RABGAP1L: variants seen among roughly 807,000 people sequenced by gnomAD.
The protein encoded by RABGAP1L is rab GTPase-activating protein 1-like.
Under a neutral mutation model 137.7 loss-of-function variants are expected in RABGAP1L, and 63 were observed. The ratio of observed to expected loss-of-function variants is 0.46; its 90% CI spans 0.37 to 0.56. The LOEUF is 0.56. Among genes scored for constraint, RABGAP1L ranks in the 20% least tolerant of loss-of-function variants. The pLI is 0.00. For synonymous variants in RABGAP1L, 431 were observed against 433.7 expected, an observed-to-expected ratio of 0.99 and a Z score of 0.08; for missense variants, 1,095 against 1,244.0, an observed-to-expected ratio of 0.88 and a Z score of 1.80.
rs1680618158 is a variant in RABGAP1L, at chr1:174,327,980, C to CGTATATATATATATATAT, written c.1465+22853_1465+22854insGTATATATATATATATAT. 8.5e-5 allele frequency among the ~76,000 whole-genome samples: 9 copies of CGTATATATATATATATAT among 105,914 alleles called. 1 individual carries two copies. The highest frequency in any genetic ancestry group is 3.7e-4 in the African/African-American group (9 of 24,280). 69.5% of individuals were successfully genotyped at this position (105,914 alleles called of 152,430 possible). On this transcript the variant is annotated intron_variant, in intron 11 of 25. Transcript: ENST00000681986. ...AAATATATATATATATATATATATA[C>CGTATATATATATATATAT]ACACACATATATATATATATATATA... is the stretch of plus-strand genomic sequence containing the variant.
At chr1:174,340,894 G>T (rs749955762) in intron 11 of RABGAP1L, among the ~76,000 whole-genome samples, 1 of 152,134 alleles carries the variant, frequency 6.6e-6, no homozygotes, top group Non-Finnish European at 1.5e-5. Context: ...GTGTAAAAGC[G>T]TCTCTTTTCC....
intron 13 of RABGAP1L, among the ~76,000 whole-genome samples, chr1:174,633,369 C>G (rs1001281715): frequency 1.4e-5 from 2 of 147,996 alleles, no homozygotes; most frequent in African/African-American, 2.5e-5. Context: ...AACCACTGCT[C>G]AAGGAAATAA....
At chr1:174,434,140 C>T (rs935687613) in intron 13 of RABGAP1L, among the ~76,000 whole-genome samples, 2 of 151,914 alleles carry the variant, frequency 1.3e-5, no homozygotes, top group Non-Finnish European at 2.9e-5. Context: ...CACACACACA[C>T]ACACACACAC....
At chr1:174,525,250 A>G (rs1156968606) in intron 13 of RABGAP1L, among the ~76,000 whole-genome samples, 2 of 152,152 alleles carry the variant, frequency 1.3e-5, no homozygotes, top group African/African-American at 2.4e-5. Context: ...CATTTTAACA[A>G]TACTAATTAT....
chr1:174,209,476 T>C (rs890628966), intron 1 of RABGAP1L, among the ~76,000 whole-genome samples: 3 of 152,144 alleles, frequency 2.0e-5, no homozygotes, highest in Admixed American at 2.0e-4. Flanking sequence ...CAAATGGGCC[T>C]GTGTTGTGGG....
At chr1:174,353,098 T>C (rs1683335100) in intron 11 of RABGAP1L, among the ~76,000 whole-genome samples, 1 of 152,098 alleles carries the variant, frequency 6.6e-6, no homozygotes, top group Admixed American at 6.5e-5. Context: ...TGATGTTTAT[T>C]TTAGGCCCAA....
chr1:174,241,705 A>T, intron 5 of RABGAP1L, 48 bp downstream of exon 5: 1 of 1,411,028 alleles, frequency 7.1e-7, no homozygotes, highest in South Asian at 1.4e-5. Context: ...GAATTAGGGT[A>T]ATATTTTTGA....
intron 18 of RABGAP1L, chr1:174,800,449 G>T (rs778157393): frequency 5.2e-6 from 8 of 1,550,854 alleles, no homozygotes; most frequent in Non-Finnish European, 8.7e-7. Flanking sequence ...CGTGTCGAGT[G>T]CTGGAACTTC....
At chr1:174,797,987 A>G (rs1016792733) in intron 18 of RABGAP1L, among the ~76,000 whole-genome samples, 12 of 151,954 alleles carry the variant, frequency 7.9e-5, no homozygotes, top group African/African-American at 2.9e-4. Flanking sequence ...TGCCCAGGTT[A>G]GAGTGTAGTG....
chr1:174,886,291 C>T (rs1311708245), intron 19 of RABGAP1L, among the ~76,000 whole-genome samples: 8 of 152,158 alleles, frequency 5.3e-5, no homozygotes, highest in South Asian at 2.1e-4. Context: ...AGATTACAGG[C>T]GTAAGCCACC....
chr1:174,384,597 A>G (rs1170606344), intron 12 of RABGAP1L, among the ~76,000 whole-genome samples: 2 of 152,226 alleles, frequency 1.3e-5, no homozygotes, highest in African/African-American at 4.8e-5. Flanking sequence ...TCTTGTCAGA[A>G]CAGTGCCTTC....
chr1:174,727,085 A>G (rs928878105), intron 17 of RABGAP1L, among the ~76,000 whole-genome samples: 27 of 152,262 alleles, frequency 1.8e-4, no homozygotes, highest in African/African-American at 6.3e-4. Context: ...TTCAGCCCTT[A>G]GCACCTCTGT....
At chr1:174,616,595 T>C (rs1046316415) in intron 13 of RABGAP1L, among the ~76,000 whole-genome samples, 5 of 152,180 alleles carry the variant, frequency 3.3e-5, no homozygotes, top group African/African-American at 9.7e-5. Context: ...AGTGAAAGCC[T>C]AGAGGACGAA....
chr1:174,326,703 C>A (rs1680468035), intron 11 of RABGAP1L, among the ~76,000 whole-genome samples: 1 of 152,018 alleles, frequency 6.6e-6, no homozygotes, highest in South Asian at 2.1e-4. Context: ...CCAGGTATAA[C>A]AAGACTAGAT....
At chr1:174,672,017 T>C (rs188424134) in intron 14 of RABGAP1L, among the ~76,000 whole-genome samples, 1 of 152,182 alleles carries the variant, frequency 6.6e-6, no homozygotes, top group East Asian at 1.9e-4. Flanking sequence ...CATGAAGAAA[T>C]AGATGAGTAA....
At position 174,470,078 on chromosome 1, in the gene RABGAP1L, A is replaced by G. The variant is rs546073504; in HGVS notation, c.1710+75933A>G. ...ATATGATCAAATCCTCTCTACAGCC[A>G]TGACCCATCTTGAATTATTTTACCA... is the stretch of plus-strand genomic sequence containing the variant. On this transcript the variant is annotated intron_variant, in intron 13 of 25. Coordinates refer to ENST00000681986, the MANE Select transcript of RABGAP1L (RefSeq NM_001366446.1). 4.6e-5 allele frequency among the ~76,000 whole-genome samples: 7 copies of G among 152,304 alleles called. No homozygotes were observed. In the East Asian group the frequency reaches 1.4e-3, roughly 29 times the overall value.
At chr1:174,465,515 G>T (rs1657199684) in intron 13 of RABGAP1L, among the ~76,000 whole-genome samples, 1 of 152,032 alleles carries the variant, frequency 6.6e-6, no homozygotes, top group Non-Finnish European at 1.5e-5. Context: ...AGCGTCTTTT[G>T]TGTGCAAGTC....
chr1:174,548,409 G>C (rs1381008622), intron 13 of RABGAP1L: 2 of 976,374 alleles, frequency 2.0e-6, no homozygotes, highest in Non-Finnish European at 2.5e-6. Flanking sequence ...TGGAAATAAT[G>C]AAGAAACTCT....
At position 174,965,035 on chromosome 1, in the gene RABGAP1L, CTT is replaced by C. The variant is rs567195793; in HGVS notation, c.2434-4240_2434-4239del. The C allele has an allele frequency of 1.0e-3, 1,333 of 1,324,158 alleles. 21 individuals are homozygous for C. The highest frequency in any genetic ancestry group is 1.7e-4 in the Non-Finnish European group (167 of 975,330). The allele number at this position is 1,324,158 out of a possible 1,614,324, so 82.0% of individuals were successfully genotyped here. A position where few individuals can be genotyped will look rare whatever the true frequency, so the allele number is the denominator to read the frequency against. On this transcript the variant is annotated intron_variant, in intron 20 of 25. Transcript: ENST00000681986. ...ATGTCTGTAACATCAGTGTCTGTCT[CTT>C]TGAAAAATGCAGTATCCTCCTCCCA...
Sources: allele counts gnomAD v4.1 joint callset (sites outside exome capture counted in the v4.1 genomes callset), GRCh38; gene constraint gnomAD v4.1.1; transcripts MANE v1.5; gene names NCBI Gene and HGNC (gene_info 2026-07-23, HGNC 2026-07-21).